DLG2: variants seen among roughly 807,000 people sequenced by gnomAD.
The protein encoded by DLG2 is disks large homolog 2.
Under a neutral mutation model 132.5 loss-of-function variants are expected in DLG2, and 45 were observed. The ratio of observed to expected loss-of-function variants is 0.34; its 90% CI spans 0.27 to 0.44. The LOEUF (loss-of-function observed/expected upper bound fraction) is 0.44, where lower values mean the gene tolerates loss of function less well. Ranked by LOEUF, DLG2 falls within the 20% of genes least tolerant of loss-of-function variation. The pLI, the probability that DLG2 is intolerant of heterozygous loss-of-function variation, is 1.00. For missense variants in DLG2, 1,045 were observed against 1,196.9 expected (o/e 0.87, Z 1.87); for synonymous variants, 424 against 419.6 (o/e 1.01, Z -0.13).
chr11:83,521,142 T>C (rs1182342942), intron 21 of DLG2, among the ~76,000 whole-genome samples: 1 of 152,202 alleles, frequency 6.6e-6, no homozygotes, highest in Non-Finnish European at 1.5e-5. Context: ...ACTAAATAAA[T>C]ATTCATGGAC....
At chr11:85,445,011 C>A (rs1402029675) in intron 3 of DLG2, among the ~76,000 whole-genome samples, 4 of 151,792 alleles carry the variant, frequency 2.6e-5, no homozygotes, top group Non-Finnish European at 5.9e-5. Context: ...ACATTAAAAC[C>A]AAAAATAAAA....
intron 11 of DLG2, among the ~76,000 whole-genome samples, chr11:84,040,950 T>G (rs1230246782): frequency 2.6e-5 from 4 of 151,778 alleles, no homozygotes; most frequent in African/African-American, 9.7e-5. Flanking sequence ...CCTTGTAAGT[T>G]GGATTCCTAG....
chr11:85,538,536 C>G lies in DLG2; in HGVS notation c.40+60121G>C, dbSNP rs949204560. On this transcript the variant is annotated intron_variant, in intron 3 of 27. Transcript: ENST00000376104. ...AATAATTATATTATAAAGATACATG[C>G]ATCCATATGTCCATTGCAGCACTTT... Among the ~76,000 whole-genome samples, 34 of 152,002 alleles carry G rather than the reference C, an allele frequency of 2.2e-4. 2 individuals carry two copies. Among genetic ancestry groups the G allele is most frequent in the African/African-American group, 8.2e-4 (34 of 41,286 alleles).
chr11:83,948,031 A>G (rs190949667), intron 14 of DLG2, among the ~76,000 whole-genome samples: 73 of 152,350 alleles, frequency 4.8e-4, no homozygotes, highest in Non-Finnish European at 6.2e-4. Flanking sequence ...GTTTACTAGT[A>G]CTATTATAAA....
intron 7 of DLG2, among the ~76,000 whole-genome samples, chr11:84,461,917 T>C (rs1054460058): frequency 1.3e-5 from 2 of 150,734 alleles, no homozygotes; most frequent in Non-Finnish European, 3.0e-5. Flanking sequence ...AATGCCTGGA[T>C]AAATGAATGG....
rs144725566 is a variant in DLG2, at chr11:84,145,081, T to C, written c.624+18380A>G. ...TAGATATTTTCTTGCCAAATCTCCT[T>C]AGCCACCCACACCTTGTTTTTACAA... On this transcript the variant is annotated intron_variant, in intron 9 of 27. Coordinates refer to ENST00000376104, the MANE Select transcript of DLG2 (RefSeq NM_001142699.3). Among the ~76,000 whole-genome samples, 490 of 152,318 alleles carry C rather than the reference T, an allele frequency of 3.2e-3. 5 individuals carry two copies. The highest frequency in any genetic ancestry group is 0.011 in the African/African-American group (466 of 41,586).
intron 6 of DLG2, among the ~76,000 whole-genome samples, chr11:84,712,801 A>T (rs990542886): frequency 6.6e-6 from 1 of 152,128 alleles, no homozygotes; most frequent in African/African-American, 2.4e-5. Flanking sequence ...TGCAGATAAA[A>T]CTTGTCAGTT....
chr11:83,547,753 T>C (rs1424586478), intron 19 of DLG2, among the ~76,000 whole-genome samples: 1 of 152,142 alleles, frequency 6.6e-6, no homozygotes, highest in Admixed American at 6.6e-5. Flanking sequence ...AGATAATAAA[T>C]TTGTGTTGTT....
chr11:83,511,641 C>T (rs1169446990), intron 21 of DLG2, among the ~76,000 whole-genome samples: 1 of 151,854 alleles, frequency 6.6e-6, no homozygotes, highest in Non-Finnish European at 1.5e-5. Context: ...TCAAATATTA[C>T]ACTCAGCCCT....
intron 19 of DLG2, among the ~76,000 whole-genome samples, chr11:83,546,301 G>A (rs1249651200): frequency 6.6e-6 from 1 of 152,122 alleles, no homozygotes; most frequent in Non-Finnish European, 1.5e-5. Flanking sequence ...CATAGCATAT[G>A]GGTTATATGC....
intron 3 of DLG2, among the ~76,000 whole-genome samples, chr11:85,322,232 A>T (rs2081124222): frequency 1.3e-5 from 2 of 152,104 alleles, no homozygotes; most frequent in Middle Eastern, 3.4e-3. Flanking sequence ...CGCCACCCAT[A>T]AGCCCCTTTC....
At chr11:84,756,032 G>T (rs1266624818) in intron 6 of DLG2, among the ~76,000 whole-genome samples, 1 of 152,150 alleles carries the variant, frequency 6.6e-6, no homozygotes, top group African/African-American at 2.4e-5. Flanking sequence ...TAGGAAACAT[G>T]GTGGTCAAGG....
intron 6 of DLG2, among the ~76,000 whole-genome samples, chr11:85,025,366 G>T (rs753517224): frequency 2.0e-5 from 3 of 152,132 alleles, no homozygotes; most frequent in Non-Finnish European, 2.9e-5. Flanking sequence ...AGTGTTGTTG[G>T]AGTCTGACTT....
intron 18 of DLG2, among the ~76,000 whole-genome samples, chr11:83,657,305 G>T (rs1413347254): frequency 6.6e-6 from 1 of 152,084 alleles, no homozygotes. Context: ...CACGAGTGAG[G>T]CCTTAACACT....
intron 21 of DLG2, among the ~76,000 whole-genome samples, chr11:83,501,735 A>G (rs1412268053): frequency 1.3e-5 from 2 of 152,220 alleles, no homozygotes; most frequent in East Asian, 3.9e-4. Flanking sequence ...AGAGACTGAC[A>G]TAACAGTTAA....
intron 19 of DLG2, among the ~76,000 whole-genome samples, chr11:83,554,435 A>G (rs2096471077): frequency 6.6e-6 from 1 of 152,248 alleles, no homozygotes; most frequent in East Asian, 1.9e-4. Flanking sequence ...CTGAATAGAT[A>G]TTGTTTGAAT....
chr11:85,364,284 T>A (rs534907387), intron 3 of DLG2, among the ~76,000 whole-genome samples: 2 of 152,290 alleles, frequency 1.3e-5, no homozygotes, highest in East Asian at 3.9e-4. Context: ...CAAGCCAGAC[T>A]TCCAAACTGC....
At chr11:85,417,041 C>A (rs2089924481) in intron 3 of DLG2, among the ~76,000 whole-genome samples, 1 of 152,126 alleles carries the variant, frequency 6.6e-6, no homozygotes, top group Non-Finnish European at 1.5e-5. Flanking sequence ...GAGAATGCTT[C>A]TAGCTTTTGG....
At chr11:84,444,012 T>TG (rs969732278) in intron 7 of DLG2, among the ~76,000 whole-genome samples, 1 of 151,852 alleles carries the variant, frequency 6.6e-6, no homozygotes, top group African/African-American at 2.4e-5. Context: ...CTCCAAAGTT[T>TG]TTTTTTTTTT....
Sources: gnomAD v4.1 joint callset for allele counts (sites outside exome capture counted in the v4.1 genomes callset) on GRCh38, gnomAD v4.1.1 for gene constraint, MANE v1.5 for transcripts, NCBI Gene and HGNC (gene_info 2026-07-23, HGNC 2026-07-21) for gene names.